Variants in ULK4 observed in about 807,000 individuals in gnomAD.
The protein encoded by ULK4 is unc-51 like kinase 4, also known as inactive serine/threonine-protein kinase ULK4.
In ULK4, 133 loss-of-function variants were observed where a neutral mutation model predicts 160.6. The ratio of observed to expected loss-of-function variants is 0.83; its 90% CI spans 0.72 to 0.96. The LOEUF (loss-of-function observed/expected upper bound fraction) is 0.96. ULK4 is among the 40% of genes least tolerant of loss of function. The pLI is 0.00. For missense variants in ULK4, 1,580 were observed against 1,499.5 expected, an observed-to-expected ratio of 1.05 and a Z score of -0.89; for synonymous variants, 534 against 539.8, an observed-to-expected ratio of 0.99 and a Z score of 0.15.
At chr3:41,481,964 T>TTG (rs1559636081) in intron 32 of ULK4, among the ~76,000 whole-genome samples, 3 of 151,854 alleles carry the variant, frequency 2.0e-5, no homozygotes, top group East Asian at 1.9e-4. Context: ...TATGATTTTT[T>TTG]TTGTTGTTGT....
In ULK4 at chr3:41,663,844, T is replaced by C; in HGVS notation, c.2979-145A>G. The C allele has an allele frequency of 2.6e-5, 17 of 647,424 alleles. No homozygotes were observed. The South Asian group carries it at 3.2e-4, about 12-fold the overall frequency. 40.1% of individuals were successfully genotyped at this position (647,424 alleles called of 1,614,324 possible). A position where few individuals can be genotyped will look rare whatever the true frequency, so the allele number is the denominator to read the frequency against. ...AAAGATTTAAGTAATTTACCTCTCA[T>C]GTGCCCCTTCTCAGAAAGTTACTGG... On this transcript the variant is annotated intron_variant, in intron 29 of 36. Transcript: ENST00000301831.
chr3:41,799,485 G>A (rs529662588), intron 20 of ULK4, among the ~76,000 whole-genome samples: 1 of 152,138 alleles, frequency 6.6e-6, no homozygotes, highest in Non-Finnish European at 1.5e-5. Flanking sequence ...GATGCTAACA[G>A]GGAAAAGTCA....
intron 31 of ULK4, among the ~76,000 whole-genome samples, chr3:41,588,440 A>AG (rs2030998150): frequency 6.6e-6 from 1 of 152,168 alleles, no homozygotes; most frequent in East Asian, 1.9e-4. Flanking sequence ...GTTTGAAGCT[A>AG]AAAGAAACTA....
intron 21 of ULK4, among the ~76,000 whole-genome samples, chr3:41,763,668 T>G (rs2039065033): frequency 6.6e-6 from 1 of 152,226 alleles, no homozygotes; most frequent in Non-Finnish European, 1.5e-5. Flanking sequence ...TGGACATTCT[T>G]GTAATGTCTT....
chr3:41,643,920 T>C (rs1347765544), intron 30 of ULK4, among the ~76,000 whole-genome samples: 16 of 152,236 alleles, frequency 1.1e-4, no homozygotes, highest in African/African-American at 3.1e-4. Context: ...CCCTTGTAAG[T>C]TGGATTCCTA....
At chr3:41,762,878 T>C (rs1035753502) in intron 21 of ULK4, among the ~76,000 whole-genome samples, 1 of 151,916 alleles carries the variant, frequency 6.6e-6, no homozygotes, top group Non-Finnish European at 1.5e-5. Flanking sequence ...TTAGCCAGGA[T>C]TGTCTCAATC....
intron 23 of ULK4, among the ~76,000 whole-genome samples, chr3:41,717,074 A>G (rs573802165): frequency 6.6e-6 from 1 of 152,284 alleles, no homozygotes; most frequent in East Asian, 1.9e-4. Context: ...ATGAGGAAAA[A>G]AAGTGGGTCA....
chr3:41,603,813 C>T (rs1164777018), intron 31 of ULK4, among the ~76,000 whole-genome samples: 4 of 151,972 alleles, frequency 2.6e-5, no homozygotes, highest in East Asian at 3.8e-4. Flanking sequence ...TTTAAGAAAG[C>T]GTTAACAGAT....
chr3:41,732,311 T>C (rs531318176), intron 22 of ULK4, among the ~76,000 whole-genome samples: 91 of 152,050 alleles, frequency 6.0e-4, no homozygotes, highest in Admixed American at 2.2e-3. Flanking sequence ...AGCAAATGAA[T>C]AGACATTTCT....
chr3:41,408,199 T>C (rs1311407980), intron 34 of ULK4, among the ~76,000 whole-genome samples: 16 of 151,190 alleles, frequency 1.1e-4, no homozygotes, highest in African/African-American at 9.7e-5. Flanking sequence ...GAGGCCGAGG[T>C]GGGCGGATCA....
chr3:41,825,998 C>T (rs562281354), intron 18 of ULK4, among the ~76,000 whole-genome samples: 24 of 152,272 alleles, frequency 1.6e-4, no homozygotes, highest in Non-Finnish European at 2.6e-4. Flanking sequence ...GAGTGGGGAC[C>T]AATATTCAAC....
intron 20 of ULK4, among the ~76,000 whole-genome samples, chr3:41,792,113 A>T (rs2040167437): frequency 6.6e-6 from 1 of 152,184 alleles, no homozygotes; most frequent in Admixed American, 6.5e-5. Flanking sequence ...CTTCAAATCT[A>T]AATTCCAAAT....
At chr3:41,541,264 A>G (rs139848036) in intron 32 of ULK4, among the ~76,000 whole-genome samples, 5,029 of 152,110 alleles carry the variant, frequency 0.033, 275 homozygotes, top group African/African-American at 0.11. Flanking sequence ...AGTTTTCCCA[A>G]CACCATTTAT....
intron 21 of ULK4, among the ~76,000 whole-genome samples, chr3:41,771,617 G>C (rs1168925901): frequency 6.6e-6 from 1 of 151,598 alleles, no homozygotes; most frequent in African/African-American, 2.4e-5. Context: ...TACTGTGTGC[G>C]AGTAAAAGCT....
chr3:41,605,628 A>G (rs1415839065), intron 31 of ULK4, among the ~76,000 whole-genome samples: 2 of 152,050 alleles, frequency 1.3e-5, no homozygotes, highest in African/African-American at 4.8e-5. Context: ...CAAAAGGGGA[A>G]ATAGTCAAAA....
chr3:41,848,590 A>G (rs951688608), intron 17 of ULK4, among the ~76,000 whole-genome samples: 2 of 152,150 alleles, frequency 1.3e-5, no homozygotes, highest in East Asian at 1.9e-4. Flanking sequence ...CAGAGCCACA[A>G]CCTAAGTTGC....
intron 34 of ULK4, among the ~76,000 whole-genome samples, chr3:41,431,355 AAATAATAATAATAAT>A (rs57010705): frequency 6.2e-4 from 86 of 139,118 alleles, no homozygotes; most frequent in South Asian, 1.2e-3. Flanking sequence ...ACACACACAC[AAATAATAATAATAAT>A]AATAATAATA....
At position 41,606,619 on chromosome 3, in the gene ULK4, C is replaced by T. The variant is rs1264631818; in HGVS notation, c.3120+9050G>A. 2.6e-5 allele frequency among the ~76,000 whole-genome samples: 4 copies of T among 151,890 alleles called. No individual in the cohort carries two copies. In the East Asian group the frequency reaches 7.7e-4, roughly 29 times the overall value. On this transcript the variant is annotated intron_variant, in intron 31 of 36. Transcript: ENST00000301831. ...TATAAGAATTCCCTTTTCTCTGTAT[C>T]CTTGTCAGCACTTGTTATTTTTTGT...
At chr3:41,444,407 T>C (rs563836147) in intron 34 of ULK4, among the ~76,000 whole-genome samples, 43 of 149,110 alleles carry the variant, frequency 2.9e-4, no homozygotes, top group Non-Finnish European at 5.6e-4. Flanking sequence ...ATATATAATC[T>C]CCTTACAGAT....
Sources: gnomAD v4.1 joint callset for allele counts (sites outside exome capture counted in the v4.1 genomes callset) on GRCh38, gnomAD v4.1.1 for gene constraint, MANE v1.5 for transcripts, NCBI Gene and HGNC (gene_info 2026-07-23, HGNC 2026-07-21) for gene names.